The following ADD3 variants were observed in gnomAD, a reference collection of about 807,000 sequenced individuals.
ADD3 encodes the protein gamma-adducin.
ADD3 carries 25 observed loss-of-function variants against 80.2 expected under a neutral mutation model. The observed-to-expected ratio is 0.31, with a 90% CI of 0.23 to 0.44. The LOEUF (loss-of-function observed/expected upper bound fraction) is 0.44. ADD3 is among the 20% of genes least tolerant of loss of function. ADD3 has a pLI of 1.00. For synonymous variants in ADD3, 284 were observed against 289.6 expected (o/e 0.98, Z 0.20); for missense variants, 829 against 847.5 (o/e 0.98, Z 0.27).
chr10:110,000,218 C>T (rs893149335), intron 1 of ADD3, among the ~76,000 whole-genome samples: 8 of 152,206 alleles, frequency 5.3e-5, no homozygotes, highest in Non-Finnish European at 1.2e-4. Context: ...CCGCACCTGG[C>T]GTCTTAAGGT....
chr10:110,011,640 T>TA (rs1852342396), intron 1 of ADD3, among the ~76,000 whole-genome samples: 1 of 152,344 alleles, frequency 6.6e-6, no homozygotes, highest in Admixed American at 6.5e-5. Flanking sequence ...TTTGAATTTT[T>TA]AAAAAAACTT....
intron 1 of ADD3, among the ~76,000 whole-genome samples, chr10:110,045,069 AC>A (rs927609258): frequency 6.6e-6 from 1 of 152,206 alleles, no homozygotes; most frequent in Non-Finnish European, 1.5e-5. Context: ...GAAGTAAAGT[AC>A]CTGGCTGGGC....
chr10:109,996,374 G>A (rs1851381059), exon 1 of ADD3: 1 of 152,132 alleles, frequency 6.6e-6, no homozygotes, highest in South Asian at 2.1e-4. Context: ...TGTTACTTTA[G>A]TTTCAGTAAT....
intron 1 of ADD3, among the ~76,000 whole-genome samples, chr10:110,080,746 T>G (rs901437202): frequency 2.0e-5 from 3 of 152,260 alleles, no homozygotes; most frequent in Non-Finnish European, 2.9e-5. Flanking sequence ...TTAAACTGTT[T>G]GCACATTCTA....
At chr10:110,112,707 T>G (rs927225493) in intron 2 of ADD3, 70 bp from the exon 3 acceptor site, 1 of 1,525,376 alleles carries the variant, frequency 6.6e-7, no homozygotes, top group African/African-American at 1.4e-5. Flanking sequence ...TAAAGATTGA[T>G]TGTATCGGAA....
chr10:110,129,150 C>CTTTTTTTTTTT (rs746835809), intron 12 of ADD3, among the ~76,000 whole-genome samples: 1 of 138,310 alleles, frequency 7.2e-6, no homozygotes. Context: ...TTCTTTCTTT[C>CTTTTTTTTTTT]TTTTTTTTTT....
intron 9 of ADD3, among the ~76,000 whole-genome samples, chr10:110,122,494 ATT>A (rs1564658515): frequency 6.6e-6 from 1 of 152,032 alleles, no homozygotes; most frequent in Non-Finnish European, 1.5e-5. Flanking sequence ...ATTACAATAT[ATT>A]GTTATTAACT....
chr10:110,129,150 C>CTGT (rs1554845123), intron 12 of ADD3, among the ~76,000 whole-genome samples: 1 of 138,310 alleles, frequency 7.2e-6, no homozygotes, highest in African/African-American at 2.7e-5. Context: ...TTCTTTCTTT[C>CTGT]TTTTTTTTTT....
rs973741740 is a variant in ADD3 at position 110,134,686 on chromosome 10, A to G, written c.*1068A>G. The G allele has an allele frequency of 1.4e-4, 22 of 152,792 alleles. No homozygotes were observed. The highest frequency in any genetic ancestry group is 5.0e-4 in the African/African-American group (21 of 41,596). 9.5% of individuals were successfully genotyped at this position (152,792 alleles called of 1,614,324 possible). A position where few individuals can be genotyped will look rare whatever the true frequency, so the allele number is the denominator to read the frequency against. ...AAGAATTCTAGTTTGATGGTGACTC[A>G]TATTCACGATAGGATACAAAGTGTG... is the stretch of plus-strand genomic sequence containing the variant. On this transcript the variant is annotated 3_prime_UTR_variant, in exon 15 of 15. Transcript: ENST00000356080.
intron 4 of ADD3, among the ~76,000 whole-genome samples, 184 bp from the exon 5 acceptor site, chr10:110,117,158 T>C (rs1211312676): frequency 6.6e-6 from 1 of 152,132 alleles, no homozygotes; most frequent in African/African-American, 2.4e-5. Flanking sequence ...AAAGTCAGAA[T>C]TTTTTAGCAA....
intron 12 of ADD3, among the ~76,000 whole-genome samples, chr10:110,128,452 G>A (rs969912182): frequency 2.0e-5 from 3 of 151,882 alleles, no homozygotes; most frequent in Non-Finnish European, 4.4e-5. Context: ...GTCTCGCACT[G>A]TTGCCCAGGC....
chr10:110,039,537 C>G (rs1371702032), intron 1 of ADD3, among the ~76,000 whole-genome samples: 1 of 152,064 alleles, frequency 6.6e-6, no homozygotes, highest in Non-Finnish European at 1.5e-5. Flanking sequence ...GAAGTTATTT[C>G]CAGTAGGAAA....
chr10:110,078,165 A>T (rs770389637), intron 1 of ADD3, among the ~76,000 whole-genome samples: 3 of 152,180 alleles, frequency 2.0e-5, no homozygotes, highest in Non-Finnish European at 4.4e-5. Flanking sequence ...CTTCATAAGG[A>T]TGTAAGAATA....
chr10:110,003,972 C>A (rs1169704139), upstream of ADD3, among the ~76,000 whole-genome samples: 1 of 152,028 alleles, frequency 6.6e-6, no homozygotes. Context: ...ATCGTGTATT[C>A]ATTTTTTAAA....
intron 9 of ADD3, among the ~76,000 whole-genome samples, chr10:110,122,745 C>T (rs117268456): frequency 0.016 from 2,489 of 152,048 alleles, 35 homozygotes; most frequent in Admixed American, 0.031. Flanking sequence ...CCTCAGCCTC[C>T]TGTGTATCTG....
intron 1 of ADD3, among the ~76,000 whole-genome samples, chr10:110,008,623 G>T (rs569586780): frequency 6.6e-6 from 1 of 150,430 alleles, no homozygotes; most frequent in South Asian, 2.1e-4. Context: ...TAGGAAGGCG[G>T]GGAGTACCAA....
At chr10:110,092,903 A>G (rs1469639004) in intron 1 of ADD3, among the ~76,000 whole-genome samples, 2 of 152,170 alleles carry the variant, frequency 1.3e-5, no homozygotes, top group Non-Finnish European at 2.9e-5. Flanking sequence ...TCTGTCACCC[A>G]TGCTGGAGTG....
At chr10:110,036,891 A>G (rs1424071247) in intron 1 of ADD3, among the ~76,000 whole-genome samples, 1 of 152,142 alleles carries the variant, frequency 6.6e-6, no homozygotes, top group Non-Finnish European at 1.5e-5. Flanking sequence ...GATCTTTTGC[A>G]TATTCCTCTT....
chr10:110,050,935 T>C (rs1207000764), intron 1 of ADD3, among the ~76,000 whole-genome samples: 2 of 152,228 alleles, frequency 1.3e-5, no homozygotes, highest in Non-Finnish European at 2.9e-5. Context: ...CATATATCAG[T>C]TGGAGTATAA....
Sources: allele counts gnomAD v4.1 joint callset (sites outside exome capture counted in the v4.1 genomes callset), GRCh38; gene constraint gnomAD v4.1.1; transcripts MANE v1.5; gene names NCBI Gene and HGNC (gene_info 2026-07-23, HGNC 2026-07-21).